NUDT21: variants seen among roughly 807,000 people sequenced by gnomAD.
NUDT21 encodes the protein nudix hydrolase 21, also known as cleavage and polyadenylation specificity factor subunit 5.
Under a neutral mutation model 29.8 loss-of-function variants are expected in NUDT21, and 5 were observed. The observed-to-expected ratio is 0.17, with a 90% CI of 0.09 to 0.35. NUDT21 has a LOEUF of 0.35. NUDT21 is among the 10% of genes least tolerant of loss of function. The probability of loss-of-function intolerance (pLI) is 1.00; values close to 1 mark genes in which losing one functional copy is unlikely to be tolerated. For synonymous variants in NUDT21, 113 were observed against 98.5 expected, an observed-to-expected ratio of 1.15 and a Z score of -0.87; for missense variants, 76 against 276.0, an observed-to-expected ratio of 0.28 and a Z score of 5.13.
intron 6 of NUDT21, among the ~76,000 whole-genome samples, chr16:56,433,209 A>C (rs892502220): frequency 7.2e-5 from 11 of 152,344 alleles, no homozygotes; most frequent in African/African-American, 2.4e-4. Context: ...TTCATACTCA[A>C]TAAGCTTTCA....
rs1036190913 is a variant in NUDT21, at chr16:56,436,440, G to A, written c.472-1611C>T. ...GTTATTTCCCACTGTGTTACTCATT[G>A]GCACCTAACCAGTATTCCAGTTAGA... is the stretch of plus-strand genomic sequence containing the variant. On this transcript the variant is annotated intron_variant, in intron 4 of 6. Transcript: ENST00000300291. Among the ~76,000 whole-genome samples, 3 of 152,122 alleles carry A rather than the reference G, an allele frequency of 2.0e-5. No individual in the cohort carries two copies. In the East Asian group the frequency reaches 5.8e-4, roughly 29 times the overall value.
At chr16:56,445,619 C>T (rs1382999714) in intron 3 of NUDT21, among the ~76,000 whole-genome samples, 2 of 152,194 alleles carry the variant, frequency 1.3e-5, no homozygotes, top group African/African-American at 4.8e-5. Context: ...TGCATGCCCC[C>T]ACTTTCATAA....
chr16:56,441,887 T>G (rs1962163483), intron 3 of NUDT21, among the ~76,000 whole-genome samples: 1 of 152,250 alleles, frequency 6.6e-6, no homozygotes, highest in South Asian at 2.1e-4. Context: ...AATTTCATCT[T>G]TTCTAAGACA....
chr16:56,436,417 T>C (rs1220679891), intron 4 of NUDT21, among the ~76,000 whole-genome samples: 1 of 152,230 alleles, frequency 6.6e-6, no homozygotes, highest in East Asian at 1.9e-4. Flanking sequence ...AAGCCTATGT[T>C]ATTTCCCACT....
intron 3 of NUDT21, among the ~76,000 whole-genome samples, chr16:56,443,199 C>G (rs1220310718): frequency 6.7e-6 from 1 of 149,254 alleles, no homozygotes; most frequent in East Asian, 2.0e-4. Context: ...TTTTTTGAGA[C>G]GAAGTCTTGC....
chr16:56,451,014 A>G (rs2143951568), intron 1 of NUDT21, 73 bp downstream of exon 1: 2 of 1,321,374 alleles, frequency 1.5e-6, no homozygotes, highest in African/African-American at 2.9e-5. Flanking sequence ...CGCGCCGAAA[A>G]GCCGGGGGCG....
At chr16:56,448,280 C>A (rs1179966821) in intron 1 of NUDT21, among the ~76,000 whole-genome samples, 1 of 152,188 alleles carries the variant, frequency 6.6e-6, no homozygotes, top group Non-Finnish European at 1.5e-5. Flanking sequence ...CATTAGTAAT[C>A]CTCTGGTTTT....
chr16:56,431,956 G>A lies in NUDT21; in HGVS notation c.*756C>T, dbSNP rs1962039257. 1 of 152,096 alleles carries A rather than the reference G, an allele frequency of 6.6e-6. No individual in the cohort carries two copies. Among genetic ancestry groups the A allele is most frequent in the African/African-American group, 2.4e-5 (1 of 41,410 alleles). 9.4% of individuals were successfully genotyped at this position (152,096 alleles called of 1,614,324 possible). A position where few individuals can be genotyped will look rare whatever the true frequency, so the allele number is the denominator to read the frequency against. ...TCCAATTTTAGAAATTTCCTTCACAGATCCCTATTTTTACCATGGCTTTAA... is the reference window on the plus strand; with the variant it reads ...TCCAATTTTAGAAATTTCCTTCACAAATCCCTATTTTTACCATGGCTTTAA... On this transcript the variant is annotated 3_prime_UTR_variant, in exon 7 of 7. Coordinates refer to ENST00000300291, the MANE Select transcript of NUDT21 (RefSeq NM_007006.3).
chr16:56,442,823 T>C (rs557025776), intron 3 of NUDT21, among the ~76,000 whole-genome samples: 25 of 152,356 alleles, frequency 1.6e-4, no homozygotes, highest in African/African-American at 5.3e-4. Flanking sequence ...TATCTTTTTA[T>C]CTTTTCATTC....
At chr16:56,450,818 A>T (rs1962296214) in intron 1 of NUDT21, among the ~76,000 whole-genome samples, 1 of 152,264 alleles carries the variant, frequency 6.6e-6, no homozygotes, top group Non-Finnish European at 1.5e-5. Flanking sequence ...AGGTGGGGAA[A>T]GGATGAGTTA....
intron 4 of NUDT21, among the ~76,000 whole-genome samples, chr16:56,435,932 T>C (rs1962099569): frequency 6.8e-6 from 1 of 146,246 alleles, no homozygotes; most frequent in Non-Finnish European, 1.5e-5. Context: ...GGTGCATGCT[T>C]CAGGAATACC....
intron 4 of NUDT21, 56 bp from the exon 5 acceptor site, chr16:56,434,885 C>CT (rs1962078189): frequency 1.9e-6 from 2 of 1,033,258 alleles, no homozygotes; most frequent in Admixed American, 3.7e-5. Flanking sequence ...CATTTCTTTA[C>CT]ATGTTTACTC....
chr16:56,431,893 G>C lies in NUDT21; in HGVS notation c.*819C>G, dbSNP rs1332578657. On this transcript the variant is annotated 3_prime_UTR_variant, in exon 7 of 7. Coordinates refer to ENST00000300291, the MANE Select transcript of NUDT21 (RefSeq NM_007006.3). The stretch of plus-strand genomic sequence containing the variant: ...CTATGTACACAACTTCAAGTTAATT[G>C]AATATTTGTGCAATCTCAGAGTTCA... The C allele has an allele frequency of 6.6e-6, 1 of 152,102 alleles. No individual in the cohort carries two copies. Among genetic ancestry groups the C allele is most frequent in the Non-Finnish European group, 1.5e-5 (1 of 68,014 alleles). 9.4% of individuals were successfully genotyped at this position (152,102 alleles called of 1,614,324 possible).
At chr16:56,443,012 A>C (rs768303414) in intron 3 of NUDT21, among the ~76,000 whole-genome samples, 8 of 151,956 alleles carry the variant, frequency 5.3e-5, no homozygotes, top group Non-Finnish European at 7.4e-5. Flanking sequence ...TCAATGGTTG[A>C]ATTTTCTGCT....
rs927880715 is a variant in NUDT21, at chr16:56,451,106, G to A, written c.97C>T (p.Leu33=). The A allele has an allele frequency of 1.2e-6, 2 of 1,613,808 alleles. No homozygotes were observed. The highest frequency in any genetic ancestry group is 2.7e-5 in the African/African-American group (2 of 75,048). ...KYIQQTKPLT[L]ERTINLYPLT... is the part of the protein sequence containing the mutation. ...ACTTACAGGTTGATGGTGCGCTCCA[G>A]GGTGAGGGGCTTCGTCTGCTGGATG... Residue 33 remains leucine, a synonymous_variant, in exon 1 of 7, where the codon CTG becomes TTG. Transcript: ENST00000300291.
At chr16:56,443,102 G>A (rs1567539462) in intron 3 of NUDT21, among the ~76,000 whole-genome samples, 1 of 151,894 alleles carries the variant, frequency 6.6e-6, no homozygotes, top group Non-Finnish European at 1.5e-5. Context: ...AGTTGGTTGT[G>A]TACTCACAAG....
In NUDT21 at chr16:56,441,157, A is replaced by G. The variant is rs4784668; in HGVS notation, c.382-1411T>C. ...CAAGCAATCTTCCGGCCTCAGCCCC[A>G]CAAAGCACTGGGATTACAGGTGTGA... On this transcript the variant is annotated intron_variant, in intron 3 of 6. Coordinates refer to ENST00000300291, the MANE Select transcript of NUDT21 (RefSeq NM_007006.3). Among the ~76,000 whole-genome samples, 1,091 of 152,232 alleles carry G rather than the reference A, an allele frequency of 7.2e-3. 8 individuals are homozygous for G. The highest frequency in any genetic ancestry group is 0.02 in the South Asian group (98 of 4,824).
rs778708474 is a variant in NUDT21, at chr16:56,432,676, C to T, written c.*36G>A. 1 of 1,602,342 alleles carries T rather than the reference C, an allele frequency of 6.2e-7. No individual in the cohort carries two copies. Among genetic ancestry groups the T allele is most frequent in the Non-Finnish European group, 8.5e-7 (1 of 1,173,338 alleles). ...CTGTATATAGCTGTGCTCACAGAGA[C>T]AAGCGGCTTCTTTTACTTCTCCACT... is the stretch of plus-strand genomic sequence containing the variant. On this transcript the variant is annotated 3_prime_UTR_variant, in exon 7 of 7. Coordinates refer to ENST00000300291, the MANE Select transcript of NUDT21 (RefSeq NM_007006.3).
At chr16:56,434,865 T>A in intron 4 of NUDT21, 36 bp from the exon 5 acceptor site, 1 of 1,226,870 alleles carries the variant, frequency 8.2e-7, no homozygotes, top group Admixed American at 1.8e-5. Context: ...TAATATGTAT[T>A]CCATGGCTTC....
Sources: gnomAD v4.1 joint callset for allele counts (sites outside exome capture counted in the v4.1 genomes callset) on GRCh38, gnomAD v4.1.1 for gene constraint, MANE v1.5 for transcripts, NCBI Gene and HGNC (gene_info 2026-07-23, HGNC 2026-07-21) for gene names.